Variants in MED13L observed in about 807,000 individuals in gnomAD.
MED13L encodes the protein mediator of RNA polymerase II transcription subunit 13-like.
MED13L carries 7 observed loss-of-function variants against 220.9 expected under a neutral mutation model. That is an observed-to-expected ratio of 0.03 (90% CI 0.02 to 0.06). MED13L has a LOEUF of 0.06. MED13L is among the 10% of genes least tolerant of loss of function. The pLI is 1.00. For missense variants in MED13L, 1,965 were observed against 2,760.5 expected (o/e 0.71, Z 6.46); for synonymous variants, 1,011 against 1,015.2 (o/e 1.00, Z 0.08).
chr12:116,135,903 CTT>C (rs772070607), intron 2 of MED13L, among the ~76,000 whole-genome samples: 119 of 139,620 alleles, frequency 8.5e-4, no homozygotes, highest in Non-Finnish European at 7.1e-4. Flanking sequence ...CAAAGATTCC[CTT>C]TTTTTTTTTT....
chr12:116,232,179 T>C, intron 2 of MED13L: 1 of 968,420 alleles, frequency 1.0e-6, no homozygotes, highest in Non-Finnish European at 1.2e-6. Context: ...AAAAGCAATA[T>C]TTATGTCTCT....
In MED13L at chr12:115,961,378, T is replaced by C; in HGVS notation, c.6521A>G (p.Asn2174Ser). The C allele has an allele frequency of 6.2e-7, 1 of 1,613,746 alleles. No individual in the cohort carries two copies. The highest frequency in any genetic ancestry group is 8.5e-7 in the Non-Finnish European group (1 of 1,179,942). The change falls in exon 31 of 31, where the codon AAC becomes AGC. Residue 2174 changes from asparagine to serine, a missense_variant. Around this residue, in one of 10 missense-constraint regions of MED13L, gnomAD observed 145 missense variants for 328.3 expected, o/e 0.44. Coordinates refer to ENST00000281928, the MANE Select transcript of MED13L (RefSeq NM_015335.5). ...DVLRFVLEQY[N>S]ALSWLTCNPA... ...ATTGCACGTGAGCCAGGACAGAGCG[T>C]TGTACTGCTCCAAAACAAACCTGCC...
Position 116,154,507 on chromosome 12 carries a change from T to C in MED13L, c.311-42995A>G, listed in dbSNP as rs550733193. Reference sequence around the variant, plus strand: ...AAAGAAATAATTCCATGCAAACGATTTGTTTTTCCCATGTTGTGAGATCAA... The same window carrying C: ...AAAGAAATAATTCCATGCAAACGATCTGTTTTTCCCATGTTGTGAGATCAA... On this transcript the variant is annotated intron_variant, in intron 2 of 30. Coordinates refer to ENST00000281928, the MANE Select transcript of MED13L (RefSeq NM_015335.5). Among the ~76,000 whole-genome samples the C allele has an allele frequency of 2.6e-5, 4 of 152,324 alleles. No homozygotes were observed. The South Asian group carries it at 8.3e-4, about 32-fold the overall frequency.
At chr12:116,123,849 A>G (rs927650454) in intron 2 of MED13L, among the ~76,000 whole-genome samples, 1 of 152,246 alleles carries the variant, frequency 6.6e-6, no homozygotes, top group Middle Eastern at 3.4e-3. Flanking sequence ...CCGAGAGAAC[A>G]TGGAAACACG....
chr12:116,235,523 T>A (rs1231343838), intron 2 of MED13L, among the ~76,000 whole-genome samples: 1 of 152,196 alleles, frequency 6.6e-6, no homozygotes, highest in Non-Finnish European at 1.5e-5. Context: ...CTCCATATGA[T>A]GACTGTTTTC....
chr12:116,162,000 C>T (rs1219768461), intron 2 of MED13L, among the ~76,000 whole-genome samples: 1 of 152,050 alleles, frequency 6.6e-6, no homozygotes, highest in Non-Finnish European at 1.5e-5. Context: ...CTGACAATGG[C>T]TACATCCATG....
intron 27 of MED13L, 73 bp from the exon 28 acceptor site, chr12:115,969,170 C>T: frequency 6.6e-7 from 1 of 1,509,014 alleles, no homozygotes; most frequent in South Asian, 1.2e-5. Context: ...AATAATCCAA[C>T]CTAACCTATG....
At chr12:116,224,235 A>G (rs1359750882) in intron 2 of MED13L, among the ~76,000 whole-genome samples, 2 of 152,138 alleles carry the variant, frequency 1.3e-5, no homozygotes, top group Non-Finnish European at 2.9e-5. Context: ...CCAAATGTTC[A>G]TTTTCAATCA....
At chr12:116,183,502 A>G (rs1255990410) in intron 2 of MED13L, among the ~76,000 whole-genome samples, 1 of 152,210 alleles carries the variant, frequency 6.6e-6, no homozygotes, top group African/African-American at 2.4e-5. Context: ...AAAATATCAA[A>G]TATCAAATTT....
intron 2 of MED13L, among the ~76,000 whole-genome samples, chr12:116,154,483 A>C (rs1370237117): frequency 6.6e-6 from 1 of 152,228 alleles, no homozygotes; most frequent in Non-Finnish European, 1.5e-5. Flanking sequence ...TACTTTTTTA[A>C]AGAAATAATT....
chr12:116,083,961 AAG>A (rs2137751482), intron 4 of MED13L, among the ~76,000 whole-genome samples: 1 of 152,334 alleles, frequency 6.6e-6, no homozygotes, highest in East Asian at 1.9e-4. Context: ...ATGTAGCCAG[AAG>A]AATTAAGAGA....
At chr12:116,072,118 TG>T (rs1870419127) in intron 4 of MED13L, among the ~76,000 whole-genome samples, 1 of 152,222 alleles carries the variant, frequency 6.6e-6, no homozygotes, top group Non-Finnish European at 1.5e-5. Context: ...ATAGGAAACC[TG>T]GCACTACAGT....
chr12:116,186,501 C>G (rs1396654323), intron 2 of MED13L, among the ~76,000 whole-genome samples: 1 of 152,068 alleles, frequency 6.6e-6, no homozygotes, highest in Non-Finnish European at 1.5e-5. Flanking sequence ...TATTTAGATC[C>G]AGTAAGTTAG....
At chr12:116,124,136 GAGAGAGAGAGAGAGAC>G (rs1442767352) in intron 2 of MED13L, among the ~76,000 whole-genome samples, 2 of 147,694 alleles carry the variant, frequency 1.4e-5, no homozygotes, top group Non-Finnish European at 3.0e-5. Context: ...GAGAGAGAGA[GAGAGAGAGAGAGAGAC>G]AGAGACAGAG....
At chr12:116,150,162 G>A (rs1362474787) in intron 2 of MED13L, among the ~76,000 whole-genome samples, 1 of 152,180 alleles carries the variant, frequency 6.6e-6, no homozygotes, top group Non-Finnish European at 1.5e-5. Context: ...CGCTGAGATC[G>A]CTGTGATACC....
chr12:116,002,438 C>CA (rs1351251727), intron 14 of MED13L, among the ~76,000 whole-genome samples: 4 of 151,864 alleles, frequency 2.6e-5, no homozygotes, highest in African/African-American at 9.7e-5. Flanking sequence ...ATAAGCTACC[C>CA]TTTTTTTTCC....
At chr12:116,155,261 A>G (rs1337375039) in intron 2 of MED13L, among the ~76,000 whole-genome samples, 1 of 152,120 alleles carries the variant, frequency 6.6e-6, no homozygotes, top group Non-Finnish European at 1.5e-5. Flanking sequence ...GTCTCTACAA[A>G]AAATTTAAAA....
At position 116,206,460 on chromosome 12, in the gene MED13L, GAAGTA is replaced by G. The variant is rs777208564; in HGVS notation, c.310+31003_310+31007del. On this transcript the variant is annotated intron_variant, in intron 2 of 30. Transcript: ENST00000281928. ...ATGATACTTCTTCAAATGTGAGCCA[GAAGTA>G]AAGTTATTTACACCAATACATTTAA... 3.3e-5 allele frequency among the ~76,000 whole-genome samples: 5 copies of G among 152,222 alleles called. No homozygotes were observed. In the East Asian group the frequency reaches 7.7e-4, roughly 23 times the overall value.
At chr12:116,231,104 T>C (rs1172700286) in intron 2 of MED13L, among the ~76,000 whole-genome samples, 1 of 152,186 alleles carries the variant, frequency 6.6e-6, no homozygotes, top group African/African-American at 2.4e-5. Flanking sequence ...CTCAACTGAT[T>C]TTCTAAAAGC....
Sources: allele counts gnomAD v4.1 joint callset (sites outside exome capture counted in the v4.1 genomes callset), GRCh38; gene constraint gnomAD v4.1.1; regional missense constraint gnomAD v4.1.1; transcripts MANE v1.5; gene names NCBI Gene and HGNC (gene_info 2026-07-23, HGNC 2026-07-21).